TMOD1: variants seen among roughly 807,000 people sequenced by gnomAD.
TMOD1 encodes tropomodulin 1.
In TMOD1, 17 loss-of-function variants were observed where a neutral mutation model predicts 40.6. The observed-to-expected ratio is 0.42, with a 90% CI of 0.29 to 0.63. The LOEUF (loss-of-function observed/expected upper bound fraction) is 0.63. TMOD1 is among the 20% of genes least tolerant of loss of function. TMOD1 has a pLI of 0.22. For missense variants in TMOD1, 391 were observed against 447.6 expected, an observed-to-expected ratio of 0.87 and a Z score of 1.14; for synonymous variants, 181 against 175.0, an observed-to-expected ratio of 1.03 and a Z score of -0.27.
intron 2 of TMOD1, 33 bp from the exon 3 acceptor site, chr9:97,546,148 TTCTC>T: frequency 6.4e-7 from 1 of 1,571,842 alleles, no homozygotes; most frequent in Non-Finnish European, 8.6e-7. Context: ...CTCTCTCTCT[TTCTC>T]TCTCTCCTGC....
At chr9:97,581,490 A>G (rs1825754995) in intron 8 of TMOD1, among the ~76,000 whole-genome samples, 1 of 152,108 alleles carries the variant, frequency 6.6e-6, no homozygotes, top group African/African-American at 2.4e-5. Flanking sequence ...CATGATTTAT[A>G]GTCCTTTGGG....
At chr9:97,570,802 A>G (rs1033809757) in intron 8 of TMOD1, among the ~76,000 whole-genome samples, 2 of 152,250 alleles carry the variant, frequency 1.3e-5, no homozygotes, top group African/African-American at 4.8e-5. Context: ...AGCAGAGAGC[A>G]AAATTCAACC....
intron 8 of TMOD1, among the ~76,000 whole-genome samples, chr9:97,574,648 G>A (rs1399830522): frequency 6.6e-6 from 1 of 152,262 alleles, no homozygotes; most frequent in Non-Finnish European, 1.5e-5. Context: ...TGAGTCTGGT[G>A]GGGACTTGGA....
In TMOD1 at chr9:97,557,511, C is replaced by T. The variant is rs1830554347; in HGVS notation, c.397+4111C>T. 3.3e-5 allele frequency among the ~76,000 whole-genome samples: 5 copies of T among 152,314 alleles called. No homozygotes were observed. The South Asian group carries it at 1.0e-3, about 32-fold the overall frequency. On this transcript the variant is annotated intron_variant, in intron 4 of 9. Coordinates refer to ENST00000259365, the MANE Select transcript of TMOD1 (RefSeq NM_003275.4). The surrounding 1 kb of genome is among the most constrained non-coding windows in gnomAD (Gnocchi z 4.4). Reference sequence around the variant, plus strand: ...TTGCAGCTATCAGAGACAGGCTTAGCCAGGCCACCCCCTGGCTTCTGGCTA... The same window carrying T: ...TTGCAGCTATCAGAGACAGGCTTAGTCAGGCCACCCCCTGGCTTCTGGCTA...
At chr9:97,521,392 A>G (rs1564230673) in intron 1 of TMOD1, among the ~76,000 whole-genome samples, 1 of 152,146 alleles carries the variant, frequency 6.6e-6, no homozygotes, top group Non-Finnish European at 1.5e-5. Flanking sequence ...CAGCCTCTCT[A>G]AGAGATGCTA....
chr9:97,533,326 G>A (rs941619047), intron 2 of TMOD1, among the ~76,000 whole-genome samples: 7 of 152,212 alleles, frequency 4.6e-5, no homozygotes, highest in Admixed American at 6.5e-5. Context: ...TGCCTGGCAC[G>A]TGGTGGTCCT....
intron 2 of TMOD1, among the ~76,000 whole-genome samples, chr9:97,534,914 G>T (rs1046708012): frequency 1.3e-5 from 2 of 152,312 alleles, no homozygotes; most frequent in Admixed American, 1.3e-4. Context: ...CAGGGGAGCT[G>T]GAGTGACAGA....
intron 7 of TMOD1, among the ~76,000 whole-genome samples, chr9:97,566,846 T>C (rs201067290): frequency 9.5e-6 from 1 of 105,126 alleles, no homozygotes; most frequent in African/African-American, 2.7e-5. Context: ...CACATATGTA[T>C]TGAGAGTCTC....
chr9:97,521,963 G>T (rs1419130387), intron 1 of TMOD1, among the ~76,000 whole-genome samples: 1 of 152,146 alleles, frequency 6.6e-6, no homozygotes, highest in Non-Finnish European at 1.5e-5. Context: ...GGATCGATTG[G>T]TTGACTGTCC....
chr9:97,548,626 G>A (rs1830401864), intron 3 of TMOD1, among the ~76,000 whole-genome samples: 1 of 152,134 alleles, frequency 6.6e-6, no homozygotes, highest in Admixed American at 6.5e-5. Context: ...AGTCTGAACG[G>A]TACAGAAATC....
chr9:97,591,591 C>T (rs1266938242), intron 9 of TMOD1, among the ~76,000 whole-genome samples, 156 bp downstream of exon 9: 6 of 152,158 alleles, frequency 3.9e-5, no homozygotes, highest in Admixed American at 3.9e-4. Context: ...GTGTTTGTAC[C>T]TCATCTCCAC....
rs1826248854 is a variant in TMOD1, at chr9:97,601,124, C to T, written c.*1426C>T. The T allele has an allele frequency of 7.7e-7, 1 of 1,304,146 alleles. No homozygotes were observed. Among genetic ancestry groups the T allele is most frequent in the South Asian group, 1.2e-5 (1 of 81,024 alleles). The allele number at this position is 1,304,146 out of a possible 1,614,324, so 80.8% of individuals were successfully genotyped here. ...TATGGAAGAGTGTCCACTGAGGCTG[C>T]ACATGGCCCAGGAGTGGCACCATGT... is the stretch of plus-strand genomic sequence containing the variant. On this transcript the variant is annotated 3_prime_UTR_variant, in exon 10 of 10. Transcript: ENST00000259365.
chr9:97,580,744 A>C (rs1276919074), intron 8 of TMOD1, among the ~76,000 whole-genome samples: 1 of 152,172 alleles, frequency 6.6e-6, no homozygotes, highest in African/African-American at 2.4e-5. Context: ...TTATAAGGTC[A>C]AGATACGAAA....
chr9:97,580,997 C>CT lies in TMOD1; in HGVS notation c.871-10285dup, dbSNP rs1243395214. ...TTTTATTTTATTTTATTTCTTTTTT[C>CT]TTTTTTTTTATTATACTTTAAGTTT... On this transcript the variant is annotated intron_variant, in intron 8 of 9. Coordinates refer to ENST00000259365, the MANE Select transcript of TMOD1 (RefSeq NM_003275.4). Among the ~76,000 whole-genome samples, 109 of 36,844 alleles carry CT rather than the reference C, an allele frequency of 3.0e-3. 1 individual carries two copies. The highest frequency in any genetic ancestry group is 0.018 in the South Asian group (21 of 1,164). The allele number at this position is 36,844 out of a possible 152,430, so 24.2% of individuals were successfully genotyped here. A position where few individuals can be genotyped will look rare whatever the true frequency, so the allele number is the denominator to read the frequency against.
At chr9:97,520,815 A>G (rs1829903051) in intron 1 of TMOD1, among the ~76,000 whole-genome samples, 1 of 152,096 alleles carries the variant, frequency 6.6e-6, no homozygotes, top group Non-Finnish European at 1.5e-5. Context: ...CTAGTGCCCC[A>G]CCACATATCC....
chr9:97,559,795 A>ATCTATC lies in TMOD1; in HGVS notation c.398-2936_398-2935insCTATCT, dbSNP rs1554683020. On this transcript the variant is annotated intron_variant, in intron 4 of 9. Coordinates refer to ENST00000259365, the MANE Select transcript of TMOD1 (RefSeq NM_003275.4). ...TTTAAAAAAAAAAAAAAAAAAAAAA[A>ATCTATC]TATATATATATATATATATATATAT... Among the ~76,000 whole-genome samples the ATCTATC allele has an allele frequency of 8.1e-4, 9 of 11,082 alleles. 1 individual carries two copies. The highest frequency in any genetic ancestry group is 0.01 in the South Asian group (1 of 100). The allele number at this position is 11,082 out of a possible 152,430, so 7.3% of individuals were successfully genotyped here. A position where few individuals can be genotyped will look rare whatever the true frequency, so the allele number is the denominator to read the frequency against.
intron 1 of TMOD1, among the ~76,000 whole-genome samples, chr9:97,508,386 C>T (rs534306960): frequency 6.6e-5 from 10 of 152,096 alleles, no homozygotes; most frequent in East Asian, 5.8e-4. Flanking sequence ...GATGGGGTTT[C>T]GCCATGTTGG....
chr9:97,546,969 G>A (rs1278610052), intron 3 of TMOD1, among the ~76,000 whole-genome samples: 1 of 146,342 alleles, frequency 6.8e-6, no homozygotes, highest in Non-Finnish European at 1.5e-5. Context: ...AGGACATGAA[G>A]CCTAAGCAGG....
intron 9 of TMOD1, among the ~76,000 whole-genome samples, chr9:97,598,108 C>T (rs535991186): frequency 6.6e-6 from 1 of 152,118 alleles, no homozygotes; most frequent in East Asian, 1.9e-4. Context: ...CGTGGGGGAT[C>T]ACTTGAGGTC....
Sources: gnomAD v4.1 joint callset for allele counts (sites outside exome capture counted in the v4.1 genomes callset) on GRCh38, gnomAD v4.1.1 for gene constraint, Gnocchi (gnomAD v3.1) non-coding constraint, MANE v1.5 for transcripts, NCBI Gene and HGNC (gene_info 2026-07-23, HGNC 2026-07-21) for gene names.